The following ADGRL3 variants were observed in gnomAD, a reference collection of about 807,000 sequenced individuals.
ADGRL3 encodes the protein calcium-independent alpha-latrotoxin receptor 3.
In ADGRL3, 62 loss-of-function variants were observed where a neutral mutation model predicts 153.5. The observed-to-expected ratio is 0.40, with a 90% confidence interval of 0.33 to 0.50. The LOEUF is 0.50. Among genes scored for constraint, ADGRL3 ranks in the 20% least tolerant of loss-of-function variants. The pLI is 0.47. For synonymous variants in ADGRL3, 710 were observed against 672.5 expected, an observed-to-expected ratio of 1.06 and a Z score of -0.86; for missense variants, 1,641 against 1,859.4, an observed-to-expected ratio of 0.88 and a Z score of 2.16.
chr4:61,750,010 T>C (rs1253588555), intron 8 of ADGRL3, among the ~76,000 whole-genome samples: 1 of 152,120 alleles, frequency 6.6e-6, no homozygotes, highest in African/African-American at 2.4e-5. Context: ...GATTCTTTTT[T>C]TATTCCTTTC....
intron 1 of ADGRL3, among the ~76,000 whole-genome samples, chr4:61,354,528 T>A (rs2096122618): frequency 6.6e-6 from 1 of 152,080 alleles, no homozygotes; most frequent in African/African-American, 2.4e-5. Flanking sequence ...ATATATTTTA[T>A]ACTTCATATG....
chr4:61,700,620 G>A (rs1337417178), intron 6 of ADGRL3, among the ~76,000 whole-genome samples: 1 of 152,100 alleles, frequency 6.6e-6, no homozygotes, highest in African/African-American at 2.4e-5. Context: ...GAGAAAAGTG[G>A]ACAGAAACTA....
chr4:61,424,489 A>G (rs1007882795), intron 2 of ADGRL3, among the ~76,000 whole-genome samples: 2 of 152,072 alleles, frequency 1.3e-5, no homozygotes, highest in African/African-American at 4.8e-5. Context: ...TCAGGGCCCA[A>G]CGTAGGCCAG....
At position 61,217,846 on chromosome 4, in the gene ADGRL3, C is replaced by T. The variant is rs561044540; in HGVS notation, c.-240+16081C>T. Reference sequence around the variant, plus strand: ...CCTGGTATCTTTTGTCCCTGAGAAACGCTGTAGAAATAGAGGAGCCAGCTT... The same window carrying T: ...CCTGGTATCTTTTGTCCCTGAGAAATGCTGTAGAAATAGAGGAGCCAGCTT... On this transcript the variant is annotated intron_variant, in intron 1 of 26. Coordinates refer to ENST00000683033, the MANE Select transcript of ADGRL3 (RefSeq NM_001387552.1). Among the ~76,000 whole-genome samples the T allele has an allele frequency of 5.2e-3, 799 of 152,264 alleles. 6 individuals are homozygous for T. Among genetic ancestry groups the T allele is most frequent in the African/African-American group, 0.018 (753 of 41,560 alleles).
chr4:61,996,956 T>A (rs184972613), intron 20 of ADGRL3, among the ~76,000 whole-genome samples: 5 of 152,010 alleles, frequency 3.3e-5, no homozygotes, highest in Admixed American at 3.3e-4. Flanking sequence ...TAATTGCTTA[T>A]GTACTTATAA....
chr4:61,302,936 T>C (rs534755602), intron 1 of ADGRL3, among the ~76,000 whole-genome samples: 15 of 152,176 alleles, frequency 9.9e-5, no homozygotes, highest in South Asian at 8.3e-4. Context: ...GACTATTTCT[T>C]TCTGTCACTT....
chr4:61,294,893 ACACACACACT>A (rs774657984), intron 1 of ADGRL3, among the ~76,000 whole-genome samples: 1,411 of 50,926 alleles, frequency 0.028, 10 homozygotes, highest in Admixed American at 0.072. Context: ...TTACACACAC[ACACACACACT>A]CACACACACA....
At chr4:61,919,685 T>C (rs1268322461) in intron 13 of ADGRL3, among the ~76,000 whole-genome samples, 1 of 152,192 alleles carries the variant, frequency 6.6e-6, no homozygotes, top group Non-Finnish European at 1.5e-5. Flanking sequence ...ACAGGTCAAG[T>C]TGTAAATCTA....
intron 23 of ADGRL3, among the ~76,000 whole-genome samples, chr4:62,035,256 G>A (rs1008289799): frequency 4.6e-5 from 7 of 151,832 alleles, no homozygotes; most frequent in East Asian, 1.9e-4. Flanking sequence ...TTATATTATC[G>A]GTTCAGAACA....
At chr4:61,340,952 G>C (rs186184149) in intron 1 of ADGRL3, among the ~76,000 whole-genome samples, 155 of 151,814 alleles carry the variant, frequency 1.0e-3, no homozygotes, top group South Asian at 2.1e-3. Context: ...GCATCATAAT[G>C]AACATTTTAT....
At chr4:61,985,739 CTT>C (rs1179837330) in intron 19 of ADGRL3, among the ~76,000 whole-genome samples, 1 of 152,128 alleles carries the variant, frequency 6.6e-6, no homozygotes, top group Non-Finnish European at 1.5e-5. Flanking sequence ...TAAAAGAAGA[CTT>C]ATTCCCGTTG....
chr4:61,900,287 A>G (rs1001489553), intron 11 of ADGRL3, among the ~76,000 whole-genome samples: 1 of 152,168 alleles, frequency 6.6e-6, no homozygotes, highest in Non-Finnish European at 1.5e-5. Flanking sequence ...CATTTTCTTG[A>G]AAACATGAAT....
At chr4:61,701,813 T>C (rs1261108672) in intron 6 of ADGRL3, among the ~76,000 whole-genome samples, 1 of 152,010 alleles carries the variant, frequency 6.6e-6, no homozygotes, top group Non-Finnish European at 1.5e-5. Flanking sequence ...AAATACAGAT[T>C]TGAAGATATT....
intron 8 of ADGRL3, among the ~76,000 whole-genome samples, chr4:61,745,722 A>G (rs563593959): frequency 4.7e-4 from 71 of 152,348 alleles, no homozygotes; most frequent in African/African-American, 1.6e-3. Context: ...CTAAACATGG[A>G]AAGGAACAAC....
intron 6 of ADGRL3, among the ~76,000 whole-genome samples, chr4:61,684,911 G>A (rs1358181333): frequency 6.6e-6 from 1 of 150,864 alleles, no homozygotes; most frequent in Non-Finnish European, 1.5e-5. Flanking sequence ...ACTCTTAATT[G>A]TTAGCACTTT....
At chr4:61,813,168 G>A (rs2097649856) in intron 8 of ADGRL3, among the ~76,000 whole-genome samples, 1 of 152,134 alleles carries the variant, frequency 6.6e-6, no homozygotes. Context: ...GCCAAGGCGA[G>A]TGGATCACGA....
At chr4:61,661,661 T>G (rs2094597420) in intron 5 of ADGRL3, among the ~76,000 whole-genome samples, 1 of 152,264 alleles carries the variant, frequency 6.6e-6, no homozygotes, top group Middle Eastern at 3.4e-3. Context: ...ATTTTATTTC[T>G]GAAGTTCAAG....
intron 2 of ADGRL3, among the ~76,000 whole-genome samples, chr4:61,435,995 C>T (rs2097441123): frequency 6.6e-6 from 1 of 151,940 alleles, no homozygotes; most frequent in South Asian, 2.1e-4. Flanking sequence ...TAGATTATGT[C>T]AAATATTTCC....
At chr4:61,961,097 C>G (rs1438656467) in intron 17 of ADGRL3, among the ~76,000 whole-genome samples, 1 of 152,086 alleles carries the variant, frequency 6.6e-6, no homozygotes, top group Non-Finnish European at 1.5e-5. Flanking sequence ...GCATATTCAC[C>G]CAGGCCTCCT....
Sources: allele counts gnomAD v4.1 joint callset (sites outside exome capture counted in the v4.1 genomes callset), GRCh38; gene constraint gnomAD v4.1.1; transcripts MANE v1.5; gene names NCBI Gene and HGNC (gene_info 2026-07-23, HGNC 2026-07-21).